CNBD1: variants seen among roughly 807,000 people sequenced by gnomAD.
CNBD1 encodes cyclic nucleotide-binding domain-containing protein 1.
A neutral mutation model predicts 54.4 loss-of-function variants in CNBD1; 71 were observed. The observed-to-expected ratio is 1.30, with a 90% CI of 1.08 to 1.59. CNBD1 has a LOEUF of 1.59. Ranked by LOEUF, CNBD1 falls within the 40% of genes most tolerant of loss-of-function variation. The probability of loss-of-function intolerance (pLI) is 0.00; values close to 1 mark genes in which losing one functional copy is unlikely to be tolerated. For synonymous variants in CNBD1, 182 were observed against 170.7 expected, an observed-to-expected ratio of 1.07 and a Z score of -0.51; for missense variants, 659 against 518.0, an observed-to-expected ratio of 1.27 and a Z score of -2.64.
At chr8:87,221,456 T>G (rs1303143521) in intron 5 of CNBD1, among the ~76,000 whole-genome samples, 1 of 152,148 alleles carries the variant, frequency 6.6e-6, no homozygotes, top group African/African-American at 2.4e-5. Context: ...TCTGGTCTTG[T>G]TCATTTGATT....
intron 4 of CNBD1, among the ~76,000 whole-genome samples, chr8:87,146,452 T>G (rs769017958): frequency 1.2e-4 from 18 of 152,264 alleles, no homozygotes; most frequent in Non-Finnish European, 4.4e-5. Flanking sequence ...TAGTCCTAAG[T>G]GTCAAATTGT....
intron 10 of CNBD1, among the ~76,000 whole-genome samples, chr8:87,371,076 C>T (rs1810778060): frequency 6.6e-6 from 1 of 150,804 alleles, no homozygotes; most frequent in African/African-American, 2.5e-5. Flanking sequence ...TGTTCTGTTC[C>T]ATTGATCTAT....
chr8:87,417,999 C>T (rs1807864003), intron 2 of CNBD1, among the ~76,000 whole-genome samples: 2 of 151,766 alleles, frequency 1.3e-5, no homozygotes, highest in Admixed American at 6.6e-5. Context: ...TACAGATTTG[C>T]CATAATTCCT....
intron 8 of CNBD1, among the ~76,000 whole-genome samples, chr8:87,351,144 C>A (rs1446760301): frequency 6.6e-6 from 1 of 152,106 alleles, no homozygotes; most frequent in Non-Finnish European, 1.5e-5. Context: ...GGGGTTATGT[C>A]ATTTATCTAA....
chr8:87,327,017 C>G (rs1305430071), intron 8 of CNBD1, among the ~76,000 whole-genome samples: 1 of 149,652 alleles, frequency 6.7e-6, no homozygotes, highest in East Asian at 2.0e-4. Flanking sequence ...AGTTTTCCTT[C>G]TAACAGACAG....
At chr8:87,220,935 T>C (rs1281326121) in intron 5 of CNBD1, among the ~76,000 whole-genome samples, 1 of 152,084 alleles carries the variant, frequency 6.6e-6, no homozygotes, top group African/African-American at 2.4e-5. Context: ...TATTGCTGCA[T>C]TCTAAATTTT....
At chr8:87,231,072 G>A (rs571582353) in intron 5 of CNBD1, among the ~76,000 whole-genome samples, 4 of 152,224 alleles carry the variant, frequency 2.6e-5, no homozygotes, top group African/African-American at 7.2e-5. Flanking sequence ...AGAGAGAGTA[G>A]GGGAGGTGCC....
intron 3 of CNBD1, among the ~76,000 whole-genome samples, chr8:86,933,835 G>T (rs1248240741): frequency 6.6e-6 from 1 of 151,912 alleles, no homozygotes; most frequent in Non-Finnish European, 1.5e-5. Flanking sequence ...AGGAAAAATT[G>T]CCTTTTTAAT....
intron 2 of CNBD1, among the ~76,000 whole-genome samples, chr8:87,405,220 A>G (rs1807632717): frequency 6.6e-6 from 1 of 152,078 alleles, no homozygotes. Context: ...TGTAATTCCA[A>G]TCTCAAGCAC....
At chr8:87,419,541 TC>T (rs1027782606) in intron 2 of CNBD1, among the ~76,000 whole-genome samples, 1 of 151,916 alleles carries the variant, frequency 6.6e-6, no homozygotes, top group African/African-American at 2.4e-5. Context: ...AAAACTCATT[TC>T]AAAAAATTTC....
chr8:87,370,886 T>C (rs890101349), intron 10 of CNBD1, among the ~76,000 whole-genome samples: 3 of 151,278 alleles, frequency 2.0e-5, no homozygotes, highest in African/African-American at 7.4e-5. Flanking sequence ...CTTTAGTCCA[T>C]CTTGAATTAA....
chr8:87,411,693 T>C (rs1481865894), intron 2 of CNBD1, among the ~76,000 whole-genome samples: 10 of 151,166 alleles, frequency 6.6e-5, no homozygotes, highest in African/African-American at 2.4e-4. Flanking sequence ...ATAATAATTG[T>C]ATTACACCCA....
rs1742546523 is a variant in CNBD1, at chr8:87,324,902, C to G, written c.1043-26783C>G. Among the ~76,000 whole-genome samples, 2 of 109,536 alleles carry G rather than the reference C, an allele frequency of 1.8e-5. 1 individual carries two copies. The highest frequency in any genetic ancestry group is 1.7e-4 in the Admixed American group (2 of 12,078). The allele number at this position is 109,536 out of a possible 152,430, so 71.9% of individuals were successfully genotyped here. A position where few individuals can be genotyped will look rare whatever the true frequency, so the allele number is the denominator to read the frequency against. ...TCTTTTAATTGTGATATTAGGGTGT[C>G]AATTTTGGATCTTTCTTGCTTTCTC... On this transcript the variant is annotated intron_variant, in intron 8 of 10. Transcript: ENST00000518476.
At chr8:87,214,255 G>A (rs1195684851) in intron 5 of CNBD1, among the ~76,000 whole-genome samples, 1 of 152,126 alleles carries the variant, frequency 6.6e-6, no homozygotes, top group South Asian at 2.1e-4. Flanking sequence ...GTCACCTCTT[G>A]AATGCTTTGC....
At chr8:87,246,499 T>G (rs1807807590) in intron 6 of CNBD1, among the ~76,000 whole-genome samples, 1 of 152,160 alleles carries the variant, frequency 6.6e-6, no homozygotes, top group Non-Finnish European at 1.5e-5. Context: ...TAAGAGAGTT[T>G]TGGTTTTATG....
intron 6 of CNBD1, among the ~76,000 whole-genome samples, chr8:87,281,399 A>G (rs1232543925): frequency 1.3e-5 from 2 of 151,192 alleles, no homozygotes; most frequent in Non-Finnish European, 3.0e-5. Context: ...ATGCTTGCAC[A>G]TCTTCCTCTG....
intron 10 of CNBD1, among the ~76,000 whole-genome samples, chr8:87,367,469 T>G (rs910761857): frequency 6.6e-6 from 1 of 152,096 alleles, no homozygotes; most frequent in African/African-American, 2.4e-5. Flanking sequence ...AAAAATCTTC[T>G]ATCAGTCTCT....
At chr8:86,979,004 T>C (rs1224310574) in intron 4 of CNBD1, among the ~76,000 whole-genome samples, 1 of 152,172 alleles carries the variant, frequency 6.6e-6, no homozygotes, top group Non-Finnish European at 1.5e-5. Flanking sequence ...TTCATGGTAG[T>C]AATGTTAAGA....
At chr8:87,217,837 A>G (rs1814245653) in intron 5 of CNBD1, among the ~76,000 whole-genome samples, 2 of 152,110 alleles carry the variant, frequency 1.3e-5, no homozygotes, top group South Asian at 2.1e-4. Flanking sequence ...AAAATCCGTA[A>G]AAAGTGGAGA....
Sources: gnomAD v4.1 joint callset for allele counts (sites outside exome capture counted in the v4.1 genomes callset) on GRCh38, gnomAD v4.1.1 for gene constraint, MANE v1.5 for transcripts, NCBI Gene and HGNC (gene_info 2026-07-23, HGNC 2026-07-21) for gene names.